Variants in ARHGAP39 observed in about 807,000 individuals in gnomAD.
ARHGAP39 encodes the protein rho GTPase-activating protein 39.
ARHGAP39 carries 44 observed loss-of-function variants against 106.9 expected under a neutral mutation model. The ratio of observed to expected loss-of-function variants is 0.41; its 90% CI spans 0.32 to 0.53. The LOEUF (loss-of-function observed/expected upper bound fraction) is 0.53. Ranked by LOEUF, ARHGAP39 falls within the 20% of genes least tolerant of loss-of-function variation. ARHGAP39 has a pLI of 0.21. For missense variants in ARHGAP39, 1,496 were observed against 1,577.3 expected, an observed-to-expected ratio of 0.95 and a Z score of 0.87; for synonymous variants, 768 against 693.2, an observed-to-expected ratio of 1.11 and a Z score of -1.69.
At chr8:144,601,321 TGGA>T (rs1327178619) in intron 2 of ARHGAP39, among the ~76,000 whole-genome samples, 3 of 140,626 alleles carry the variant, frequency 2.1e-5, no homozygotes, top group African/African-American at 8.3e-5. Flanking sequence ...TGTGTGTGTG[TGGA>T]GGCGTGTGTG....
intron 6 of ARHGAP39, among the ~76,000 whole-genome samples, chr8:144,539,391 G>A (rs1175715713): frequency 6.6e-6 from 1 of 152,144 alleles, no homozygotes; most frequent in Non-Finnish European, 1.5e-5. Context: ...ACAGTCTTTT[G>A]TAGGAGACTT....
intron 1 of ARHGAP39, among the ~76,000 whole-genome samples, chr8:144,662,223 C>T (rs1333149420): frequency 2.0e-5 from 3 of 150,580 alleles, no homozygotes; most frequent in East Asian, 3.9e-4. Flanking sequence ...ACCGCTCCCC[C>T]GTCAGCATTA....
intron 1 of ARHGAP39, among the ~76,000 whole-genome samples, chr8:144,617,989 C>G (rs942464272): frequency 6.6e-6 from 1 of 152,004 alleles, no homozygotes; most frequent in Non-Finnish European, 1.5e-5. Flanking sequence ...TCTATGCTGC[C>G]CAGGCTGGCC....
intron 1 of ARHGAP39, among the ~76,000 whole-genome samples, chr8:144,650,904 C>T (rs1341080745): frequency 6.6e-5 from 10 of 152,206 alleles, no homozygotes; most frequent in Admixed American, 3.3e-4. Flanking sequence ...CCAGAGCAAT[C>T]GGGCAAGATA....
chr8:144,634,083 CCT>C (rs1821129958), intron 1 of ARHGAP39, among the ~76,000 whole-genome samples: 1 of 152,272 alleles, frequency 6.6e-6, no homozygotes, highest in African/African-American at 2.4e-5. Flanking sequence ...CCTTTCAGTC[CCT>C]GAGCCACTGG....
At chr8:144,662,445 G>A (rs577398708) in intron 1 of ARHGAP39, among the ~76,000 whole-genome samples, 31 of 90,534 alleles carry the variant, frequency 3.4e-4, no homozygotes, top group African/African-American at 1.0e-3. Context: ...GCCGCTACCC[G>A]CCTCCCCATT....
chr8:144,571,593 C>T (rs1349390854), intron 3 of ARHGAP39, among the ~76,000 whole-genome samples: 4 of 152,108 alleles, frequency 2.6e-5, no homozygotes, highest in Admixed American at 6.6e-5. Context: ...ACAAGGATGC[C>T]CTCTCTCACC....
intron 3 of ARHGAP39, among the ~76,000 whole-genome samples, chr8:144,567,624 A>G (rs1818446149): frequency 6.6e-6 from 1 of 152,218 alleles, no homozygotes; most frequent in African/African-American, 2.4e-5. Context: ...TTCAGTGGTC[A>G]CGTTCCTAGT....
Position 144,545,658 on chromosome 8 carries a change from C to T in ARHGAP39, c.2112G>A (p.Lys704=), listed in dbSNP as rs1817384873. The stretch of plus-strand genomic sequence containing the variant: ...TCCGCCGGAAGAGGCCCTGCGTGTG[C>T]TTGTTGAAGTGCTTGGAGGCCCAGT... ...IENWASKHFN[K]HTQGLFRRKV... is the part of the protein sequence containing the mutation. The change falls in exon 6 of 12, where the codon AAG becomes AAA. Residue 704 remains lysine (K), a synonymous_variant. Coordinates refer to ENST00000377307, the MANE Select transcript of ARHGAP39 (RefSeq NM_025251.3). The T allele has an allele frequency of 1.2e-6, 2 of 1,613,616 alleles. No homozygotes were observed. Among genetic ancestry groups the T allele is most frequent in the South Asian group, 2.2e-5 (2 of 91,086 alleles).
chr8:144,544,712 C>T (rs1056316773), intron 6 of ARHGAP39, among the ~76,000 whole-genome samples: 11 of 152,240 alleles, frequency 7.2e-5, no homozygotes, highest in Admixed American at 3.9e-4. Flanking sequence ...ATGGCTCCGA[C>T]GTGCGACCCC....
chr8:144,530,068 C>T lies in ARHGAP39; in HGVS notation c.*354G>A, dbSNP rs1260096426. The T allele has an allele frequency of 3.6e-6, 1 of 274,176 alleles. No individual in the cohort carries two copies. Among genetic ancestry groups the T allele is most frequent in the Non-Finnish European group, 6.9e-6 (1 of 144,592 alleles). 17.0% of individuals were successfully genotyped at this position (274,176 alleles called of 1,614,324 possible). A position where few individuals can be genotyped will look rare whatever the true frequency, so the allele number is the denominator to read the frequency against. On this transcript the variant is annotated 3_prime_UTR_variant, in exon 12 of 12. Transcript: ENST00000377307. ...CGGCTGGGCAAGGCCCAGGCCAGGGCGCGCAGGAGCCACAGGGAGGCAGCC... is the reference window on the plus strand; with the variant it reads ...CGGCTGGGCAAGGCCCAGGCCAGGGTGCGCAGGAGCCACAGGGAGGCAGCC...
Position 144,644,398 on chromosome 8 carries a change from A to G in ARHGAP39, c.-81-38703T>C, listed in dbSNP as rs2130990892. Among the ~76,000 whole-genome samples, 1 of 152,336 alleles carries G rather than the reference A, an allele frequency of 6.6e-6. No homozygotes were observed. Among genetic ancestry groups the G allele is most frequent in the South Asian group, 2.1e-4 (1 of 4,826 alleles). ...CAGATCGGCAGAGATGGAGGCGGCT[A>G]TGAGGCGGGGCTGGGCACAAAGCAG... On this transcript the variant is annotated intron_variant, in intron 1 of 11. Transcript: ENST00000377307. This position sits in a 1 kb window ranked among gnomAD's most constrained non-coding sequence, Gnocchi z 4.8.
At chr8:144,693,437 G>A in the ARHGAP39 span, among the ~76,000 whole-genome samples, 61 of 137,646 alleles carry the variant, frequency 4.4e-4, no homozygotes, top group East Asian at 2.0e-3. Flanking sequence ...GCAGTGGCGC[G>A]ATCTCGGCTC....
chr8:144,678,580 C>T (rs1403076145), intron 1 of ARHGAP39, among the ~76,000 whole-genome samples: 2 of 152,170 alleles, frequency 1.3e-5, no homozygotes, highest in African/African-American at 2.4e-5. Context: ...GGTCACGCAG[C>T]GCTGTGGAGC....
At chr8:144,539,351 C>T (rs564073320) in intron 6 of ARHGAP39, among the ~76,000 whole-genome samples, 3 of 152,236 alleles carry the variant, frequency 2.0e-5, no homozygotes, top group Non-Finnish European at 4.4e-5. Flanking sequence ...CTTTGCGTGT[C>T]TGTGACTGGT....
At chr8:144,544,909 T>C (rs1212641974) in intron 6 of ARHGAP39, among the ~76,000 whole-genome samples, 2 of 152,258 alleles carry the variant, frequency 1.3e-5, no homozygotes, top group Non-Finnish European at 2.9e-5. Flanking sequence ...CACAGGTGCC[T>C]GACTACGGCT....
Position 144,672,533 on chromosome 8 carries a change from C to T in ARHGAP39, c.-82+13153G>A, listed in dbSNP as rs143251362. Among the ~76,000 whole-genome samples the T allele has an allele frequency of 5.9e-4, 90 of 152,304 alleles. 1 individual carries two copies. In the East Asian group the frequency reaches 0.016, roughly 28 times the overall value. ...TTGGCCAGACAAGGGGTTCTGGACC[C>T]TGTGTCCAGCACCCTGGCTGCCAGG... is the stretch of plus-strand genomic sequence containing the variant. On this transcript the variant is annotated intron_variant, in intron 1 of 11. Transcript: ENST00000377307.
At chr8:144,580,820 C>T (rs1818950316) in intron 3 of ARHGAP39, 26 bp downstream of exon 3, 4 of 1,514,722 alleles carry the variant, frequency 2.6e-6, no homozygotes, top group South Asian at 2.6e-5. Context: ...CCTGGCCCCG[C>T]CCATAGCAGC....
intron 1 of ARHGAP39, among the ~76,000 whole-genome samples, chr8:144,614,033 A>G (rs1016997397): frequency 2.0e-5 from 3 of 152,224 alleles, no homozygotes; most frequent in African/African-American, 4.8e-5. Flanking sequence ...TCTCTGATCT[A>G]CCATTAATCC....
Sources: gnomAD v4.1 joint callset for allele counts (sites outside exome capture counted in the v4.1 genomes callset) on GRCh38, gnomAD v4.1.1 for gene constraint, Gnocchi (gnomAD v3.1) non-coding constraint, MANE v1.5 for transcripts, NCBI Gene and HGNC (gene_info 2026-07-23, HGNC 2026-07-21) for gene names.